Variants in ZNF701 observed in about 807,000 individuals in gnomAD.
ZNF701 encodes the protein zinc finger protein 701.
Under a neutral mutation model 7.1 loss-of-function variants are expected in ZNF701, and 6 were observed. The ratio of observed to expected loss-of-function variants is 0.84; its 90% CI spans 0.46 to 1.66. The LOEUF is 1.66. ZNF701 is among the 40% of genes most tolerant of loss of function. The pLI, the probability that ZNF701 is intolerant of heterozygous loss-of-function variation, is 0.01. For synonymous variants in ZNF701, 166 were observed against 188.2 expected, an observed-to-expected ratio of 0.88 and a Z score of 0.97; for missense variants, 541 against 559.2, an observed-to-expected ratio of 0.97 and a Z score of 0.33.
rs1214474467 is a variant in ZNF701 at position 52,584,427 on chromosome 19, G to C, written c.*970G>C. ...ACTTGAGGTCATGAGTTTGAGATCA[G>C]CCTGGCCAACAGACGTGAGTCACTT... On this transcript the variant is annotated 3_prime_UTR_variant, in exon 4 of 4. Coordinates refer to ENST00000391785, the MANE Select transcript of ZNF701 (RefSeq NM_018260.3). The C allele has an allele frequency of 6.5e-6, 1 of 152,948 alleles. No homozygotes were observed. The highest frequency in any genetic ancestry group is 1.5e-5 in the Non-Finnish European group (1 of 68,514). The allele number at this position is 152,948 out of a possible 1,614,324, so 9.5% of individuals were successfully genotyped here.
intron 3 of ZNF701, among the ~76,000 whole-genome samples, chr19:52,578,959 C>T (rs912547043): frequency 2.0e-5 from 3 of 149,984 alleles, no homozygotes; most frequent in Non-Finnish European, 1.5e-5. Flanking sequence ...AGGGTTTCAC[C>T]GTGGTCTCAA....
rs1213094019 is a variant in ZNF701, at chr19:52,584,700, T to G, written c.*1243T>G. ...TTAAGATCTCTAGCAAATGGAAGTG[T>G]TTTTTAATTTTCGTTTAAATTTTTT... On this transcript the variant is annotated 3_prime_UTR_variant, in exon 4 of 4. Coordinates refer to ENST00000391785, the MANE Select transcript of ZNF701 (RefSeq NM_018260.3). 6.6e-6 allele frequency: 1 copy of G among 152,238 alleles called. No homozygotes were observed. The highest frequency in any genetic ancestry group is 1.5e-5 in the Non-Finnish European group (1 of 68,040). The allele number at this position is 152,238 out of a possible 1,614,324, so 9.4% of individuals were successfully genotyped here.
chr19:52,580,716 G>A (rs940921191), intron 3 of ZNF701, among the ~76,000 whole-genome samples: 1 of 152,000 alleles, frequency 6.6e-6, no homozygotes, highest in African/African-American at 2.4e-5. Context: ...TTTCTGGCTT[G>A]TTTTATCAAG....
intron 3 of ZNF701, among the ~76,000 whole-genome samples, chr19:52,580,659 T>C (rs1045095943): frequency 2.6e-5 from 4 of 152,230 alleles, no homozygotes; most frequent in African/African-American, 7.2e-5. Context: ...TTTTTCTTAA[T>C]AGGGAATTGT....
At chr19:52,590,032 G>A (rs1243226897), downstream of ZNF701, among the ~76,000 whole-genome samples, 1 of 151,736 alleles carries the variant, frequency 6.6e-6, no homozygotes, top group Non-Finnish European at 1.5e-5. Context: ...GACCTCAGGT[G>A]ATCCACCCAC....
intron 2 of ZNF701, among the ~76,000 whole-genome samples, chr19:52,575,301 T>C (rs892630973): frequency 2.0e-5 from 3 of 151,096 alleles, no homozygotes; most frequent in Non-Finnish European, 2.9e-5. Flanking sequence ...TTTATATATA[T>C]ACACACAACC....
chr19:52,597,006 A>C, the ZNF701 span: 2 of 1,168,252 alleles, frequency 1.7e-6, no homozygotes, highest in African/African-American at 1.5e-5. Context: ...GAAACTTTGC[A>C]AATGTAATGA....
chr19:52,595,390 C>G, the ZNF701 span, among the ~76,000 whole-genome samples: 3 of 152,064 alleles, frequency 2.0e-5, 1 homozygote, highest in Admixed American at 2.0e-4. Flanking sequence ...CTGCCTCAGC[C>G]TCCCAAGTAG....
Position 52,583,360 on chromosome 19 carries a change from G to C in ZNF701, c.1301G>C (p.Gly434Ala), listed in dbSNP as rs774108356. Residue 434 changes from glycine (G) to alanine (A), a missense_variant, in exon 4 of 4, where the codon GGA becomes GCA. Coordinates refer to ENST00000391785, the MANE Select transcript of ZNF701 (RefSeq NM_018260.3). ...GCATGTCATCGTAGACTTCATACTG[G>C]AGAGAAACCTTACAAGTGTAATGAA... ...NLACHRRLHT[G>A]EKPYKCNECG... 51 of 1,607,788 alleles carry C rather than the reference G, an allele frequency of 3.2e-5. No homozygotes were observed. The Admixed American group carries it at 8.0e-4, about 25-fold the overall frequency.
chr19:52,595,978 CAAT>C, the ZNF701 span: 2 of 1,606,438 alleles, frequency 1.2e-6, no homozygotes, highest in South Asian at 1.1e-5. Context: ...AGAAGTCTAT[CAAT>C]GATGCTTCCT....
chr19:52,588,567 C>A, downstream of ZNF701: 1 of 399,928 alleles, frequency 2.5e-6, no homozygotes. Context: ...TGTAAGGAAG[C>A]CACCAAGAAG....
the ZNF701 span, chr19:52,595,887 A>C: frequency 1.2e-6 from 2 of 1,613,162 alleles, no homozygotes; most frequent in Non-Finnish European, 1.7e-6. Flanking sequence ...CCTATTAAAG[A>C]TCAGCTTGGA....
At chr19:52,597,621 C>T in the ZNF701 span, 8 of 355,394 alleles carry the variant, frequency 2.3e-5, no homozygotes, top group Admixed American at 3.9e-5. Flanking sequence ...GCTGATAGAT[C>T]ACAGCCACAC....
At chr19:52,593,434 G>C in the ZNF701 span, among the ~76,000 whole-genome samples, 1 of 109,458 alleles carries the variant, frequency 9.1e-6, no homozygotes, top group African/African-American at 3.5e-5. Context: ...CCCTCCCGGA[G>C]GGAGCGGCTG....
chr19:52,590,946 T>A (rs2060034422), downstream of ZNF701, among the ~76,000 whole-genome samples: 1 of 152,050 alleles, frequency 6.6e-6, no homozygotes, highest in Non-Finnish European at 1.5e-5. Context: ...TTCAAAAGAT[T>A]CTCCTGCCTC....
In ZNF701 at chr19:52,583,744, C is replaced by A; in HGVS notation, c.*287C>A. The A allele has an allele frequency of 4.3e-6, 3 of 697,788 alleles. No individual in the cohort carries two copies. The highest frequency in any genetic ancestry group is 3.2e-5 in the South Asian group (2 of 61,598). The allele number at this position is 697,788 out of a possible 1,614,324, so 43.2% of individuals were successfully genotyped here. A position where few individuals can be genotyped will look rare whatever the true frequency, so the allele number is the denominator to read the frequency against. On this transcript the variant is annotated 3_prime_UTR_variant, in exon 4 of 4. Coordinates refer to ENST00000391785, the MANE Select transcript of ZNF701 (RefSeq NM_018260.3). Reference sequence around the variant, plus strand: ...TGTGGCAGAGCCTTTGGTGGTCAGTCAACACTTACTCACCATCAAGCAATC... The same window carrying A: ...TGTGGCAGAGCCTTTGGTGGTCAGTAAACACTTACTCACCATCAAGCAATC...
rs1018336860 is a variant in ZNF701, at chr19:52,583,226, G to C, written c.1167G>C (p.Lys389Asn). Residue 389 changes from lysine (K) to asparagine (N), a missense_variant, in exon 4 of 4, where the codon AAG becomes AAC. Coordinates refer to ENST00000391785, the MANE Select transcript of ZNF701 (RefSeq NM_018260.3). ...CTTACAAGTGTAATGAGTGTGGCAA[G>C]ACCTTTGTTCAAAATTCATCTCTTG... ...EKPYKCNECG[K>N]TFVQNSSLVM... 2 of 1,610,030 alleles carry C rather than the reference G, an allele frequency of 1.2e-6. No individual in the cohort carries two copies. Among genetic ancestry groups the C allele is most frequent in the Non-Finnish European group, 1.7e-6 (2 of 1,177,144 alleles).
intron 3 of ZNF701, 107 bp downstream of exon 3, chr19:52,576,128 G>A (rs1010145163): frequency 3.1e-5 from 49 of 1,583,306 alleles, no homozygotes; most frequent in African/African-American, 2.1e-4. Context: ...AATGGAAGCC[G>A]TATTGAGTTA....
At position 52,583,452 on chromosome 19, in the gene ZNF701, T is replaced by G; in HGVS notation, c.1393T>G (p.Ser465Ala). 6.2e-7 allele frequency: 1 copy of G among 1,610,550 alleles called. No individual in the cohort carries two copies. The highest frequency in any genetic ancestry group is 8.5e-7 in the Non-Finnish European group (1 of 1,178,286). The change falls in exon 4 of 4, where the codon TCT becomes GCT. Residue 465 changes from serine to alanine, a missense_variant. Ser to Ala is a moderately conservative substitution (Grantham distance 99). Coordinates refer to ENST00000391785, the MANE Select transcript of ZNF701 (RefSeq NM_018260.3). ...RHHRLHTGKK[S>A] ...TCATAGACTTCATACTGGAAAGAAA[T>G]CTTAGAAGTGTAAATTTGCAAGGTT...
Sources: gnomAD v4.1 joint callset for allele counts (sites outside exome capture counted in the v4.1 genomes callset) on GRCh38, gnomAD v4.1.1 for gene constraint, MANE v1.5 for transcripts, NCBI Gene and HGNC (gene_info 2026-07-23, HGNC 2026-07-21) for gene names.